The following THADA variants were observed in gnomAD, a reference collection of about 807,000 sequenced individuals.
THADA encodes THADA armadillo repeat containing.
Under a neutral mutation model 219.8 loss-of-function variants are expected in THADA, and 213 were observed. The ratio of observed to expected loss-of-function variants is 0.97; its 90% CI spans 0.87 to 1.09. The LOEUF is 1.09. Ranked by LOEUF, THADA falls within the 50% of genes least tolerant of loss-of-function variation. The pLI is 0.00. For synonymous variants in THADA, 1,018 were observed against 828.9 expected (o/e 1.23, Z -3.92); for missense variants, 2,956 against 2,311.3 (o/e 1.28, Z -5.72).
chr2:43,506,061 T>C (rs1173808224), intron 23 of THADA, among the ~76,000 whole-genome samples: 1 of 152,214 alleles, frequency 6.6e-6, no homozygotes, highest in African/African-American at 2.4e-5. Context: ...GTGGCAGCTC[T>C]GATAAAATAA....
intron 24 of THADA, among the ~76,000 whole-genome samples, chr2:43,504,919 T>C (rs1558870549): frequency 1.3e-5 from 2 of 152,182 alleles, no homozygotes. Context: ...TGTCCTACTA[T>C]GAAGCATTAA....
intron 29 of THADA, among the ~76,000 whole-genome samples, chr2:43,392,516 G>C (rs762914241): frequency 6.6e-6 from 1 of 152,010 alleles, no homozygotes. Context: ...CTAGCTGGCC[G>C]AACTAGCCTA....
chr2:43,587,148 C>G (rs935012963), intron 4 of THADA, 146 bp from the exon 5 acceptor site: 2 of 835,414 alleles, frequency 2.4e-6, no homozygotes, highest in African/African-American at 3.4e-5. Context: ...TACCATCACT[C>G]GAATTTCCTG....
chr2:43,432,391 T>C (rs1679474137), intron 26 of THADA, among the ~76,000 whole-genome samples: 1 of 152,162 alleles, frequency 6.6e-6, no homozygotes, highest in South Asian at 2.1e-4. Flanking sequence ...TTCTGTTGAG[T>C]AGTATTCCAT....
In THADA at chr2:43,397,998, T is replaced by A. The variant is rs779157211; in HGVS notation, c.4200A>T (p.Gln1400His). The change falls in exon 29 of 38, where the codon CAA becomes CAT. Residue 1400 changes from glutamine to histidine, a missense_variant. Gln to His is a conservative substitution (Grantham distance 24). Coordinates refer to ENST00000405975, the MANE Select transcript of THADA (RefSeq NM_022065.5). ...LPSCTDQCFR[Q>H]NHIHGTLLQV... ...GGAGAAGTGTCCCATGAATGTGGTT[T>A]TGCCGGAAACACTGGTCAGTGCAGC... 6.2e-7 allele frequency: 1 copy of A among 1,613,952 alleles called. No homozygotes were observed. Among genetic ancestry groups the A allele is most frequent in the South Asian group, 1.1e-5 (1 of 91,074 alleles).
At chr2:43,365,870 AT>A in intron 29 of THADA, among the ~76,000 whole-genome samples, 1 of 152,244 alleles carries the variant, frequency 6.6e-6, no homozygotes, top group African/African-American at 2.4e-5. Flanking sequence ...AATTGCTCAG[AT>A]GGGAAGACAC....
rs1018227772 is a variant in THADA at position 43,508,890 on chromosome 2, T to G, written c.3375-110A>C. ...AAATAATAAATATCCTTATATTGAG[T>G]GGGGGTGAAACTAAAACATGTCTCA... On this transcript the variant is annotated intron_variant, in intron 22 of 37. Coordinates refer to ENST00000405975, the MANE Select transcript of THADA (RefSeq NM_022065.5). 5.5e-6 allele frequency: 6 copies of G among 1,090,154 alleles called. No individual in the cohort carries two copies. The Admixed American group carries it at 7.8e-5, about 14-fold the overall frequency. The allele number at this position is 1,090,154 out of a possible 1,614,324, so 67.5% of individuals were successfully genotyped here.
At chr2:43,371,455 T>A (rs1670793976) in intron 29 of THADA, among the ~76,000 whole-genome samples, 1 of 152,304 alleles carries the variant, frequency 6.6e-6, no homozygotes, top group African/African-American at 2.4e-5. Context: ...TGATTTTTCA[T>A]AATATAAGAA....
chr2:43,312,745 T>G (rs1345862550), intron 31 of THADA, among the ~76,000 whole-genome samples: 1 of 150,944 alleles, frequency 6.6e-6, no homozygotes, highest in Non-Finnish European at 1.5e-5. Context: ...TCCTCCTCCT[T>G]AAAATTTCAT....
intron 8 of THADA, among the ~76,000 whole-genome samples, chr2:43,581,288 G>A (rs1488562519): frequency 6.6e-6 from 1 of 152,084 alleles, no homozygotes; most frequent in Non-Finnish European, 1.5e-5. Flanking sequence ...CCAGCACCTT[G>A]GGAGGCCACG....
chr2:43,364,381 C>A (rs1173891149), intron 29 of THADA, among the ~76,000 whole-genome samples: 2 of 152,140 alleles, frequency 1.3e-5, no homozygotes, highest in African/African-American at 4.8e-5. Context: ...ACTAACGTTC[C>A]CCAAATGTTA....
intron 30 of THADA, among the ~76,000 whole-genome samples, chr2:43,322,862 T>C (rs1334375356): frequency 6.6e-6 from 1 of 151,598 alleles, no homozygotes; most frequent in Admixed American, 6.6e-5. Context: ...ATTTTTTGTA[T>C]GTTTTATTAG....
At chr2:43,294,028 G>A (rs1322) in intron 31 of THADA, among the ~76,000 whole-genome samples, 32,826 of 152,072 alleles carry the variant, frequency 0.22, 4,376 homozygotes, top group African/African-American at 0.37. Context: ...CTTTTTTGAC[G>A]TGGTCTACTG....
At chr2:43,474,841 A>T (rs1460264406) in intron 26 of THADA, among the ~76,000 whole-genome samples, 1 of 152,198 alleles carries the variant, frequency 6.6e-6, no homozygotes, top group Non-Finnish European at 1.5e-5. Flanking sequence ...CTAGCCCTCC[A>T]AGATTTAGTA....
chr2:43,537,010 A>C (rs1694697120), intron 21 of THADA, among the ~76,000 whole-genome samples: 1 of 152,246 alleles, frequency 6.6e-6, no homozygotes, highest in African/African-American at 2.4e-5. Flanking sequence ...ACTTTAAGAC[A>C]CAGCCACTTC....
intron 30 of THADA, among the ~76,000 whole-genome samples, chr2:43,323,203 A>G (rs1485218152): frequency 6.6e-6 from 1 of 151,940 alleles, no homozygotes; most frequent in Admixed American, 6.6e-5. Context: ...GTGCAGTGGC[A>G]TGATCATGGC....
intron 22 of THADA, among the ~76,000 whole-genome samples, chr2:43,509,443 C>T (rs181452538): frequency 6.6e-6 from 1 of 152,160 alleles, no homozygotes; most frequent in East Asian, 1.9e-4. Context: ...TAACATTGCC[C>T]AAGGAATACC....
chr2:43,538,992 A>G lies in THADA; in HGVS notation c.3264+2167T>C, dbSNP rs138942638. ...TGATTTTAAACGGACTGTCATCTAC[A>G]TTCAAGTCATCAAATTTCAAAATAG... On this transcript the variant is annotated intron_variant, in intron 21 of 37. Coordinates refer to ENST00000405975, the MANE Select transcript of THADA (RefSeq NM_022065.5). Among the ~76,000 whole-genome samples, 826 of 152,340 alleles carry G rather than the reference A, an allele frequency of 5.4e-3. 8 individuals carry two copies. Among genetic ancestry groups the G allele is most frequent in the African/African-American group, 0.019 (774 of 41,572 alleles).
rs183562320 is a variant in THADA, at chr2:43,416,586, T to C, written c.4058+11514A>G. ...AAGTAGACAAAAATGTGGCATCTCT[T>C]GGGGGCTGGTGGTCAGGGCACAAAT... On this transcript the variant is annotated intron_variant, in intron 28 of 37. Transcript: ENST00000405975. Among the ~76,000 whole-genome samples the C allele has an allele frequency of 4.6e-5, 7 of 152,274 alleles. No homozygotes were observed. In the East Asian group the frequency reaches 1.3e-3, roughly 29 times the overall value.
Sources: allele counts gnomAD v4.1 joint callset (sites outside exome capture counted in the v4.1 genomes callset), GRCh38; gene constraint gnomAD v4.1.1; transcripts MANE v1.5; gene names NCBI Gene and HGNC (gene_info 2026-07-23, HGNC 2026-07-21).